Variants in RPH3AL observed in about 807,000 individuals in gnomAD.
The protein encoded by RPH3AL is rab effector Noc2.
Under a neutral mutation model 43.1 loss-of-function variants are expected in RPH3AL, and 38 were observed. That is an observed-to-expected ratio of 0.88 (90% CI 0.68 to 1.15). RPH3AL has a LOEUF of 1.15. RPH3AL is among the 50% of genes most tolerant of loss of function. RPH3AL has a pLI of 0.00. For synonymous variants in RPH3AL, 189 were observed against 176.3 expected, an observed-to-expected ratio of 1.07 and a Z score of -0.57; for missense variants, 462 against 423.2, an observed-to-expected ratio of 1.09 and a Z score of -0.81.
At chr17:324,451 G>A (rs574845642) in intron 3 of RPH3AL, among the ~76,000 whole-genome samples, 11 of 152,244 alleles carry the variant, frequency 7.2e-5, no homozygotes, top group African/African-American at 2.4e-4. Context: ...ACCTGACATC[G>A]ATGGGCTGCA....
At chr17:219,780 C>G in intron 7 of RPH3AL, 44 bp from the exon 8 acceptor site, 7 of 1,459,656 alleles carry the variant, frequency 4.8e-6, no homozygotes, top group Non-Finnish European at 3.8e-6. Context: ...CCGACCAGCC[C>G]CTACCTGCAG....
chr17:244,658 A>T (rs12150065), intron 7 of RPH3AL, among the ~76,000 whole-genome samples: 40,959 of 151,702 alleles, frequency 0.27, 5,936 homozygotes, highest in East Asian at 0.47. Context: ...ATCTCCTGGG[A>T]CTTTCCAGCA....
chr17:303,545 GGA>G (rs1491469398), intron 5 of RPH3AL, among the ~76,000 whole-genome samples: 1 of 124,326 alleles, frequency 8.0e-6, no homozygotes, highest in African/African-American at 2.9e-5. Flanking sequence ...AAAGAGATGG[GGA>G]GGGAGGGAGG....
chr17:324,690 T>TCTAGCTAG (rs1321389932), intron 3 of RPH3AL, among the ~76,000 whole-genome samples: 2 of 149,692 alleles, frequency 1.3e-5, no homozygotes, highest in South Asian at 2.1e-4. Context: ...TTTCTATCTA[T>TCTAGCTAG]CTAGCTAGCT....
At chr17:315,913 A>C (rs1396805604) in intron 5 of RPH3AL, among the ~76,000 whole-genome samples, 1,295 of 132,200 alleles carry the variant, frequency 9.8e-3, no homozygotes, top group African/African-American at 0.036. Context: ...ACCTCCACTG[A>C]TGTGTAGTCC....
intron 7 of RPH3AL, among the ~76,000 whole-genome samples, chr17:244,353 GAGA>G (rs2041692573): frequency 6.6e-6 from 1 of 152,068 alleles, no homozygotes; most frequent in African/African-American, 2.4e-5. Context: ...GGGATGCAGG[GAGA>G]AGAAGTTGGG....
At chr17:248,714 G>A (rs1325141402) in intron 6 of RPH3AL, among the ~76,000 whole-genome samples, 3 of 152,216 alleles carry the variant, frequency 2.0e-5, no homozygotes, top group African/African-American at 7.2e-5. Flanking sequence ...TGGAAGCAAG[G>A]CTGAATCAAT....
chr17:263,449 G>A (rs371096690), intron 6 of RPH3AL, among the ~76,000 whole-genome samples: 18 of 152,330 alleles, frequency 1.2e-4, no homozygotes, highest in South Asian at 2.1e-4. Flanking sequence ...GCACGTGGAC[G>A]AACAGGCAGC....
chr17:231,602 C>G (rs1161510893), intron 7 of RPH3AL, among the ~76,000 whole-genome samples: 1 of 152,230 alleles, frequency 6.6e-6, no homozygotes, highest in Non-Finnish European at 1.5e-5. Flanking sequence ...GTCCCCGAGA[C>G]AGGTGAGCGG....
At chr17:214,540 A>G (rs1268540360) in intron 9 of RPH3AL, among the ~76,000 whole-genome samples, 1 of 152,164 alleles carries the variant, frequency 6.6e-6, no homozygotes, top group Non-Finnish European at 1.5e-5. Context: ...CCAAGGTGGG[A>G]GGACTGTTTC....
rs149646960 is a variant in RPH3AL, at chr17:298,214, C to T, written c.352-16360G>A. Among the ~76,000 whole-genome samples the T allele has an allele frequency of 2.3e-3, 351 of 152,350 alleles. 2 individuals carry two copies. Among genetic ancestry groups the T allele is most frequent in the African/African-American group, 7.7e-3 (319 of 41,576 alleles). ...AAGTCAGGAGACCGTCCACGTCCTC[C>T]AGCTCTGCCCCCACCAGCTCAGTGT... On this transcript the variant is annotated intron_variant, in intron 5 of 9. Transcript: ENST00000331302.
intron 5 of RPH3AL, among the ~76,000 whole-genome samples, chr17:315,048 C>A (rs1401839546): frequency 6.7e-6 from 1 of 148,426 alleles, no homozygotes; most frequent in Non-Finnish European, 1.5e-5. Flanking sequence ...CTGTACTCCA[C>A]CTCCACTGAA....
chr17:228,840 T>C (rs2151511740), intron 7 of RPH3AL, among the ~76,000 whole-genome samples: 1 of 152,266 alleles, frequency 6.6e-6, no homozygotes, highest in East Asian at 1.9e-4. Flanking sequence ...GTGCCCTCTC[T>C]GGACCCTTTT....
At chr17:251,943 C>A (rs1437176421) in intron 6 of RPH3AL, among the ~76,000 whole-genome samples, 3 of 151,906 alleles carry the variant, frequency 2.0e-5, no homozygotes, top group East Asian at 1.9e-4. Context: ...CTGTCTCCCC[C>A]ACCCGCCTTG....
rs1358156154 is a variant in RPH3AL, at chr17:319,489, C to G, written c.282G>C (p.Gln94His). 1.2e-6 allele frequency: 2 copies of G among 1,612,646 alleles called. No homozygotes were observed. Among genetic ancestry groups the G allele is most frequent in the South Asian group, 2.2e-5 (2 of 91,064 alleles). ...RRNVMGNGLS[Q>H]CLLCGEVLGF... is the part of the protein sequence containing the mutation. The stretch of plus-strand genomic sequence containing the variant: ...CCAGCACCTCCCCGCAGAGCAGACA[C>G]TGGGACAGGCCGTTCCCCATCACAT... The change falls in exon 5 of 10, where the codon CAG becomes CAC. Residue 94 changes from glutamine (Q) to histidine (H), a missense_variant. Coordinates refer to ENST00000331302, the MANE Select transcript of RPH3AL (RefSeq NM_006987.4).
chr17:241,048 T>A (rs1405212573), intron 7 of RPH3AL, among the ~76,000 whole-genome samples: 1 of 136,536 alleles, frequency 7.3e-6, no homozygotes. Context: ...AGAGTGAGAC[T>A]CCATCTCAAT....
At chr17:315,495 C>A (rs2043978818) in intron 5 of RPH3AL, among the ~76,000 whole-genome samples, 1 of 149,256 alleles carries the variant, frequency 6.7e-6, no homozygotes. Context: ...GACCTGTAGT[C>A]CCTGTGACTC....
chr17:335,288 C>T (rs542657837), intron 1 of RPH3AL, among the ~76,000 whole-genome samples: 199 of 152,182 alleles, frequency 1.3e-3, no homozygotes, highest in African/African-American at 4.5e-3. Flanking sequence ...AAGGAGGCGG[C>T]GGACGGAGGG....
intron 5 of RPH3AL, among the ~76,000 whole-genome samples, chr17:305,226 C>G: frequency 6.6e-6 from 1 of 151,940 alleles, no homozygotes; most frequent in Non-Finnish European, 1.5e-5. Flanking sequence ...CTGGAAACAG[C>G]CAGAGGTACA....
Sources: allele counts gnomAD v4.1 joint callset (sites outside exome capture counted in the v4.1 genomes callset), GRCh38; gene constraint gnomAD v4.1.1; transcripts MANE v1.5; gene names NCBI Gene and HGNC (gene_info 2026-07-23, HGNC 2026-07-21).